PWWP2A: variants seen among roughly 807,000 people sequenced by gnomAD.
PWWP2A encodes PWWP domain-containing protein 2A.
A neutral mutation model predicts 48.5 loss-of-function variants in PWWP2A; 18 were observed. The ratio of observed to expected loss-of-function variants is 0.37; its 90% CI spans 0.26 to 0.55. The LOEUF (loss-of-function observed/expected upper bound fraction) is 0.55. PWWP2A is among the 20% of genes least tolerant of loss of function. PWWP2A has a pLI of 0.81. For missense variants in PWWP2A, 867 were observed against 976.4 expected (o/e 0.89, Z 1.49); for synonymous variants, 396 against 387.7 (o/e 1.02, Z -0.25).
At chr5:160,110,972 C>CAAAAA (rs1195225635) in intron 1 of PWWP2A, among the ~76,000 whole-genome samples, 1 of 54,122 alleles carries the variant, frequency 1.8e-5, no homozygotes, top group African/African-American at 6.2e-5. Context: ...GACTCTGTCT[C>CAAAAA]AAAAAAAAAA....
intron 4 of PWWP2A, among the ~76,000 whole-genome samples, chr5:160,064,753 A>G (rs1753549455): frequency 6.6e-6 from 1 of 152,176 alleles, no homozygotes; most frequent in African/African-American, 2.4e-5. Flanking sequence ...TGCACTGCTG[A>G]GTGGGGAATA....
the PWWP2A span, among the ~76,000 whole-genome samples, chr5:160,050,670 G>T: frequency 6.8e-6 from 1 of 146,788 alleles, no homozygotes; most frequent in Non-Finnish European, 1.5e-5. Flanking sequence ...CTGACTCCCA[G>T]GCTGGAGAGC....
chr5:160,061,183 C>T (rs1038666156), downstream of PWWP2A, among the ~76,000 whole-genome samples: 34 of 152,206 alleles, frequency 2.2e-4, no homozygotes, highest in Admixed American at 1.6e-3. Context: ...CATTGGCTCA[C>T]GCTGTTTGGG....
At chr5:160,096,596 CTGAA>C (rs1755678955) in intron 1 of PWWP2A, among the ~76,000 whole-genome samples, 1 of 152,130 alleles carries the variant, frequency 6.6e-6, no homozygotes, top group African/African-American at 2.4e-5. Flanking sequence ...GTTTCAATAC[CTGAA>C]TGAAGAGAAG....
At chr5:160,116,692 C>T (rs1758179947) in intron 1 of PWWP2A, 2 of 985,198 alleles carry the variant, frequency 2.0e-6, no homozygotes. Flanking sequence ...AACTTACCTT[C>T]TGCACCTTCC....
chr5:160,090,909 C>T, downstream of PWWP2A: 1 of 984,614 alleles, frequency 1.0e-6, no homozygotes, highest in Non-Finnish European at 1.2e-6. Flanking sequence ...AATAAGAAAT[C>T]AAATCTTAGG....
At chr5:160,112,690 G>C (rs1219959360) in intron 1 of PWWP2A, among the ~76,000 whole-genome samples, 1 of 152,188 alleles carries the variant, frequency 6.6e-6, no homozygotes, top group Non-Finnish European at 1.5e-5. Context: ...AGGCCACCTG[G>C]TCATTCTGTT....
intron 3 of PWWP2A, among the ~76,000 whole-genome samples, chr5:160,080,113 ACTAT>A (rs1754122811): frequency 6.6e-6 from 1 of 152,210 alleles, no homozygotes; most frequent in African/African-American, 2.4e-5. Flanking sequence ...ATATTTCAGC[ACTAT>A]CTTTTACCAC....
chr5:160,096,262 T>G (rs1046808555), intron 1 of PWWP2A, among the ~76,000 whole-genome samples: 3 of 152,024 alleles, frequency 2.0e-5, no homozygotes, highest in African/African-American at 7.3e-5. Flanking sequence ...AGGTCTCGGA[T>G]AGTCCAAAAA....
Position 160,091,685 on chromosome 5 carries a change from C to T in PWWP2A, c.*697G>A. ...CTTGAAAGTATTTATTAAATCCCCACTGGACGAAAGACAGTGATGACTAAC... is the reference window on the plus strand; with the variant it reads ...CTTGAAAGTATTTATTAAATCCCCATTGGACGAAAGACAGTGATGACTAAC... On this transcript the variant is annotated 3_prime_UTR_variant, in exon 2 of 2. Transcript: ENST00000307063. 14 of 985,230 alleles carry T rather than the reference C, an allele frequency of 1.4e-5. No individual in the cohort carries two copies. The highest frequency in any genetic ancestry group is 1.7e-5 in the Non-Finnish European group (14 of 829,890). The allele number at this position is 985,230 out of a possible 1,614,324, so 61.0% of individuals were successfully genotyped here.
intron 3 of PWWP2A, among the ~76,000 whole-genome samples, chr5:160,079,782 A>G (rs1754099552): frequency 6.6e-6 from 1 of 152,144 alleles, no homozygotes; most frequent in Non-Finnish European, 1.5e-5. Flanking sequence ...TATTCCCTCA[A>G]GAGATACGCA....
At chr5:160,045,917 AT>A in the PWWP2A span, among the ~76,000 whole-genome samples, 1 of 151,724 alleles carries the variant, frequency 6.6e-6, no homozygotes, top group African/African-American at 2.4e-5. Flanking sequence ...TAATTTTTGT[AT>A]TTTTGGTAGA....
chr5:160,088,501 C>T (rs1167032364), downstream of PWWP2A, among the ~76,000 whole-genome samples: 3 of 152,208 alleles, frequency 2.0e-5, no homozygotes, highest in Non-Finnish European at 4.4e-5. Context: ...CCACCTGCCT[C>T]AGCCTCCCTA....
At chr5:160,061,045 C>T (rs761022958), downstream of PWWP2A, among the ~76,000 whole-genome samples, 5 of 152,236 alleles carry the variant, frequency 3.3e-5, no homozygotes, top group African/African-American at 4.8e-5. Flanking sequence ...AGTTCTCAAG[C>T]TGTCAGTGGC....
At chr5:160,068,007 C>T (rs1753654815) in intron 2 of PWWP2A, among the ~76,000 whole-genome samples, 1 of 152,092 alleles carries the variant, frequency 6.6e-6, no homozygotes, top group Non-Finnish European at 1.5e-5. Context: ...ATGGTGAAAC[C>T]CCATCTCTAC....
chr5:160,068,909 C>T (rs931103403), intron 2 of PWWP2A, among the ~76,000 whole-genome samples: 1 of 152,136 alleles, frequency 6.6e-6, no homozygotes, highest in Non-Finnish European at 1.5e-5. Context: ...TATCTGTTAC[C>T]TCAAGATCAA....
At chr5:160,068,580 C>T (rs1753671258) in intron 2 of PWWP2A, among the ~76,000 whole-genome samples, 1 of 152,224 alleles carries the variant, frequency 6.6e-6, no homozygotes, top group Non-Finnish European at 1.5e-5. Context: ...GCTTGGGTGA[C>T]ACAGTGAGAC....
chr5:160,093,745 T>A lies in PWWP2A; in HGVS notation c.905A>T (p.Tyr302Phe). ...CATTATTGAAGTGGGTTCTTCCCTG[T>A]ACATTTTTCGTTTGGGTCGCTTAAT... ...RKIKRPKRKM[Y>F]REEPTSIMNA... Residue 302 changes from tyrosine to phenylalanine, a missense_variant, in exon 2 of 2, where the codon TAC (tyrosine) becomes TTC (phenylalanine). Physicochemically the swap from Tyr to Phe is conservative, Grantham distance 22. This residue lies in a region of PWWP2A where 382 missense variants were observed against 407.2 expected (regional missense o/e 0.94). Coordinates refer to ENST00000307063, the MANE Select transcript of PWWP2A (RefSeq NM_001130864.2). The surrounding 1 kb of genome is among the most constrained non-coding windows in gnomAD (Gnocchi z 5.8). The A allele has an allele frequency of 6.2e-7, 1 of 1,614,090 alleles. No individual in the cohort carries two copies. The highest frequency in any genetic ancestry group is 8.5e-7 in the Non-Finnish European group (1 of 1,179,910).
chr5:160,093,310 G>T lies in PWWP2A; in HGVS notation c.1340C>A (p.Ser447Tyr), dbSNP rs1366618997. Residue 447 changes from serine (S) to tyrosine (Y), a missense_variant, in exon 2 of 2, where the codon TCT (serine) becomes TAT (tyrosine). Physicochemically the swap from Ser to Tyr is moderately radical, Grantham distance 144. Transcript: ENST00000307063. The surrounding 1 kb of genome is among the most constrained non-coding windows in gnomAD (Gnocchi z 5.8). Reference sequence around the variant, plus strand: ...TTTTGAATGTGCATTTTTGGAAGTAGAGGTTTCATTTTGCTTCTTTTGTGC... The same window carrying T: ...TTTTGAATGTGCATTTTTGGAAGTATAGGTTTCATTTTGCTTCTTTTGTGC... ...EKAQKKQNET[S>Y]TSKNAHSKVH... 6.2e-7 allele frequency: 1 copy of T among 1,613,892 alleles called. No homozygotes were observed. Among genetic ancestry groups the T allele is most frequent in the East Asian group, 2.2e-5 (1 of 44,876 alleles).
Sources: gnomAD v4.1 joint callset for allele counts (sites outside exome capture counted in the v4.1 genomes callset) on GRCh38, gnomAD v4.1.1 for gene constraint, gnomAD v4.1.1 regional missense constraint, Gnocchi (gnomAD v3.1) non-coding constraint, MANE v1.5 for transcripts, NCBI Gene and HGNC (gene_info 2026-07-23, HGNC 2026-07-21) for gene names.